Variants in TFDP2 observed in about 807,000 individuals in gnomAD.
TFDP2 encodes the protein transcription factor Dp-2, also known as transcription factor Dp-2 (E2F dimerization partner 2).
TFDP2 carries 17 observed loss-of-function variants against 59.3 expected under a neutral mutation model. That is an observed-to-expected ratio of 0.29 (90% confidence interval 0.20 to 0.43). TFDP2 has a LOEUF of 0.43. TFDP2 is among the 20% of genes least tolerant of loss of function. The pLI is 1.00. For synonymous variants in TFDP2, 180 were observed against 194.7 expected, an observed-to-expected ratio of 0.92 and a Z score of 0.63; for missense variants, 391 against 528.8, an observed-to-expected ratio of 0.74 and a Z score of 2.56.
At chr3:142,015,873 G>T (rs1387901130) in intron 3 of TFDP2, among the ~76,000 whole-genome samples, 2 of 152,246 alleles carry the variant, frequency 1.3e-5, no homozygotes, top group African/African-American at 2.4e-5. Flanking sequence ...CACTTCAATT[G>T]CTGAAAATGT....
At chr3:142,050,723 A>G (rs1355443327) in intron 3 of TFDP2, among the ~76,000 whole-genome samples, 1 of 151,518 alleles carries the variant, frequency 6.6e-6, no homozygotes, top group Non-Finnish European at 1.5e-5. Context: ...TAAAATAAAT[A>G]TATACTCCCA....
chr3:141,973,680 A>C (rs966299988), intron 8 of TFDP2, among the ~76,000 whole-genome samples: 1 of 140,906 alleles, frequency 7.1e-6, no homozygotes, highest in Non-Finnish European at 1.5e-5. Context: ...AGCCGGCTTG[A>C]TCCTTTTTTT....
chr3:141,971,292 T>A, intron 8 of TFDP2, among the ~76,000 whole-genome samples: 1 of 135,264 alleles, frequency 7.4e-6, no homozygotes. Context: ...GAGGCCGAGG[T>A]GGGCGGATCA....
chr3:142,068,248 C>T (rs2060135335), intron 3 of TFDP2, among the ~76,000 whole-genome samples: 1 of 152,076 alleles, frequency 6.6e-6, no homozygotes, highest in Admixed American at 6.6e-5. Flanking sequence ...AATCTAGACA[C>T]AGATTCTTTA....
intron 1 of TFDP2, among the ~76,000 whole-genome samples, chr3:142,129,060 G>A (rs577458440): frequency 2.1e-4 from 32 of 152,182 alleles, no homozygotes; most frequent in African/African-American, 6.0e-4. Context: ...CTGTCAATAC[G>A]AGTAACTAAG....
intron 3 of TFDP2, among the ~76,000 whole-genome samples, chr3:142,087,596 G>A (rs1170610363): frequency 6.6e-6 from 1 of 151,694 alleles, no homozygotes; most frequent in African/African-American, 2.4e-5. Context: ...CACCTTCCAG[G>A]CTCAAGTGAT....
chr3:142,135,017 A>C (rs1370371015), intron 1 of TFDP2, among the ~76,000 whole-genome samples: 1 of 152,114 alleles, frequency 6.6e-6, no homozygotes, highest in Non-Finnish European at 1.5e-5. Context: ...ATTTCCATGA[A>C]GTACAATCGT....
intron 1 of TFDP2, among the ~76,000 whole-genome samples, chr3:142,134,463 T>C (rs1402898956): frequency 6.6e-6 from 1 of 151,984 alleles, no homozygotes; most frequent in Non-Finnish European, 1.5e-5. Context: ...TTGCGCAAAA[T>C]TAATCAAAAT....
At chr3:142,068,520 G>A (rs1482944119) in intron 3 of TFDP2, among the ~76,000 whole-genome samples, 1 of 151,518 alleles carries the variant, frequency 6.6e-6, no homozygotes. Flanking sequence ...ATCCTTACAA[G>A]AAACATTATA....
At chr3:142,073,481 A>T (rs1380570638) in intron 3 of TFDP2, among the ~76,000 whole-genome samples, 1 of 124,590 alleles carries the variant, frequency 8.0e-6, no homozygotes, top group Admixed American at 9.3e-5. Flanking sequence ...GCAAAAAAAA[A>T]AAATAAAAAA....
intron 3 of TFDP2, among the ~76,000 whole-genome samples, chr3:142,076,853 A>G (rs931173172): frequency 1.3e-5 from 2 of 152,204 alleles, no homozygotes; most frequent in African/African-American, 4.8e-5. Context: ...TTTAACAACT[A>G]TCTACACAAA....
intron 6 of TFDP2, among the ~76,000 whole-genome samples, chr3:141,992,149 C>A (rs1942852100): frequency 6.6e-6 from 1 of 151,048 alleles, no homozygotes; most frequent in Admixed American, 6.6e-5. Context: ...CACCACTGTG[C>A]TAAATCTTAT....
At chr3:141,995,883 CAAAAAA>C (rs146557075) in intron 4 of TFDP2, among the ~76,000 whole-genome samples, 18 of 67,920 alleles carry the variant, frequency 2.7e-4, no homozygotes, top group African/African-American at 6.1e-4. Context: ...AACTCCATTT[CAAAAAA>C]AAAAAAAAAA....
chr3:142,113,039 A>G (rs1185092282), intron 1 of TFDP2, among the ~76,000 whole-genome samples: 1 of 152,222 alleles, frequency 6.6e-6, no homozygotes, highest in Non-Finnish European at 1.5e-5. Context: ...CCCTGCCAAG[A>G]ACCTAATAGA....
intron 1 of TFDP2, among the ~76,000 whole-genome samples, chr3:142,144,783 G>A (rs1241904799): frequency 1.3e-5 from 2 of 152,086 alleles, no homozygotes; most frequent in South Asian, 2.1e-4. Context: ...TCAGCAATCC[G>A]CCCACCTCGG....
At chr3:142,122,881 A>T (rs2062098194) in intron 1 of TFDP2, among the ~76,000 whole-genome samples, 1 of 152,210 alleles carries the variant, frequency 6.6e-6, no homozygotes, top group Admixed American at 6.5e-5. Context: ...TAATTGCAGT[A>T]ACATGCAACA....
intron 3 of TFDP2, among the ~76,000 whole-genome samples, chr3:142,029,581 A>G (rs1210383581): frequency 6.6e-6 from 1 of 152,142 alleles, no homozygotes; most frequent in Non-Finnish European, 1.5e-5. Context: ...ATTCTTTTCA[A>G]TATCAGATAA....
chr3:141,973,953 G>A, intron 8 of TFDP2, 95 bp downstream of exon 8: 2 of 1,392,940 alleles, frequency 1.4e-6, no homozygotes, highest in Admixed American at 2.5e-5. Context: ...ATGAAAAATT[G>A]GAAATATTTT....
intron 3 of TFDP2, among the ~76,000 whole-genome samples, chr3:142,065,154 A>AT (rs10711434): frequency 6.1e-5 from 9 of 148,060 alleles, no homozygotes; most frequent in East Asian, 4.0e-4. Context: ...GATCATTAAG[A>AT]TTTTTTTTTT....
Sources: allele counts gnomAD v4.1 joint callset (sites outside exome capture counted in the v4.1 genomes callset), GRCh38; gene constraint gnomAD v4.1.1; transcripts MANE v1.5; gene names NCBI Gene and HGNC (gene_info 2026-07-23, HGNC 2026-07-21).